EML1: variants seen among roughly 807,000 people sequenced by gnomAD.
EML1 encodes echinoderm microtubule-associated protein-like 1.
In EML1, 27 loss-of-function variants were observed where a neutral mutation model predicts 110.4. That is an observed-to-expected ratio of 0.24 (90% CI 0.18 to 0.34). The LOEUF (loss-of-function observed/expected upper bound fraction) is 0.34, where lower values mean the gene tolerates loss of function less well. Among genes scored for constraint, EML1 ranks in the 10% least tolerant of loss-of-function variants. The pLI is 1.00. For missense variants in EML1, 741 were observed against 1,030.9 expected (o/e 0.72, Z 3.85); for synonymous variants, 344 against 385.8 (o/e 0.89, Z 1.27).
At chr14:99,742,523 C>A (rs1030809808) in intron 1 of EML1, among the ~76,000 whole-genome samples, 1 of 151,996 alleles carries the variant, frequency 6.6e-6, no homozygotes, top group South Asian at 2.1e-4. Flanking sequence ...AGGAGGGACC[C>A]GGAGGAGGGC....
chr14:99,760,517 G>A (rs1349314906), intron 1 of EML1, among the ~76,000 whole-genome samples: 1 of 152,302 alleles, frequency 6.6e-6, no homozygotes, highest in South Asian at 2.1e-4. Context: ...AGAACGCACC[G>A]TTCAAAGGAA....
At chr14:99,860,940 A>G (rs947337003) in intron 2 of EML1, among the ~76,000 whole-genome samples, 13 of 152,282 alleles carry the variant, frequency 8.5e-5, no homozygotes, top group Middle Eastern at 3.4e-3. Flanking sequence ...CACTCTGGGA[A>G]TGCCTCCTGC....
At chr14:99,746,968 C>G (rs1027965588) in intron 1 of EML1, among the ~76,000 whole-genome samples, 5 of 152,066 alleles carry the variant, frequency 3.3e-5, no homozygotes, top group African/African-American at 1.2e-4. Context: ...CTGTGCTTGC[C>G]TCCGCTCTAT....
intron 1 of EML1, among the ~76,000 whole-genome samples, chr14:99,816,688 A>C (rs2058173594): frequency 6.6e-6 from 1 of 152,268 alleles, no homozygotes. Flanking sequence ...GGCCTAAGCC[A>C]GAATGGTACA....
At chr14:99,910,145 G>C (rs184458572) in intron 11 of EML1, 97 bp from the exon 12 acceptor site, 4 of 884,076 alleles carry the variant, frequency 4.5e-6, no homozygotes, top group Admixed American at 5.8e-5. Flanking sequence ...GGACCACTGC[G>C]AATCTAGATG....
intron 1 of EML1, among the ~76,000 whole-genome samples, chr14:99,764,238 C>T (rs2057344601): frequency 6.6e-6 from 1 of 152,236 alleles, no homozygotes; most frequent in African/African-American, 2.4e-5. Flanking sequence ...CCCCAGCTCA[C>T]AGAGGTCTCA....
In EML1 at chr14:99,757,292, T is replaced by TCG. The variant is rs1050936292; in HGVS notation, c.28+19436_28+19437dup. 4.0e-5 allele frequency among the ~76,000 whole-genome samples: 6 copies of TCG among 148,776 alleles called. 1 individual carries two copies. The Admixed American group carries it at 4.1e-4, about 10-fold the overall frequency. ...AGGTGGAGGTTGCAGTGAGCGAAGA[T>TCG]CGCGCCATTGCACTCCAGCCTGGGC... On this transcript the variant is annotated intron_variant, in intron 1 of 10. Coordinates refer to the EML1 transcript ENST00000554479.
intron 3 of EML1, among the ~76,000 whole-genome samples, chr14:99,872,019 T>A (rs1259852924): frequency 6.6e-6 from 1 of 152,174 alleles, no homozygotes; most frequent in Non-Finnish European, 1.5e-5. Flanking sequence ...AAACGCTTGA[T>A]ATAATGACTG....
chr14:99,762,467 G>T (rs2057324674), intron 1 of EML1, among the ~76,000 whole-genome samples: 2 of 152,122 alleles, frequency 1.3e-5, no homozygotes, highest in African/African-American at 4.8e-5. Flanking sequence ...TTGCTTGCTT[G>T]TTTTTAACCT....
At chr14:99,757,033 G>A (rs2057263777) in intron 1 of EML1, among the ~76,000 whole-genome samples, 1 of 152,198 alleles carries the variant, frequency 6.6e-6, no homozygotes, top group Non-Finnish European at 1.5e-5. Flanking sequence ...ACGAACATAT[G>A]GAGCTGCTGT....
At chr14:99,842,737 C>T (rs1292654848) in intron 1 of EML1, among the ~76,000 whole-genome samples, 1 of 152,118 alleles carries the variant, frequency 6.6e-6, no homozygotes, top group Non-Finnish European at 1.5e-5. Flanking sequence ...CACAGTGATG[C>T]TAAAGTTTTT....
intron 1 of EML1, among the ~76,000 whole-genome samples, chr14:99,785,305 T>G (rs942863190): frequency 1.3e-5 from 2 of 152,232 alleles, no homozygotes; most frequent in African/African-American, 4.8e-5. Context: ...TCCACCTGCC[T>G]TGGCCTCCCA....
intron 11 of EML1, 126 bp downstream of exon 11, chr14:99,909,605 T>C: frequency 8.1e-7 from 1 of 1,233,814 alleles, no homozygotes; most frequent in South Asian, 1.4e-5. Context: ...GGGAAGCGTG[T>C]CACACCTGGT....
intron 17 of EML1, among the ~76,000 whole-genome samples, chr14:99,922,272 C>T (rs752742148): frequency 9.2e-5 from 14 of 151,974 alleles, no homozygotes; most frequent in Non-Finnish European, 1.9e-4. Context: ...CATGCCACCA[C>T]ACCTGGCTAA....
chr14:99,808,659 A>G (rs1272933476), intron 1 of EML1, among the ~76,000 whole-genome samples: 1 of 152,212 alleles, frequency 6.6e-6, no homozygotes, highest in African/African-American at 2.4e-5. Context: ...ACAGGAATCT[A>G]TTCCAGTCTT....
intron 2 of EML1, among the ~76,000 whole-genome samples, chr14:99,852,667 A>G (rs183057596): frequency 6.6e-6 from 1 of 152,340 alleles, no homozygotes; most frequent in Admixed American, 6.5e-5. Context: ...ATTATTTCAC[A>G]GTTAATGTGT....
chr14:99,913,820 G>A (rs1286959308), intron 13 of EML1, among the ~76,000 whole-genome samples: 1 of 151,960 alleles, frequency 6.6e-6, no homozygotes, highest in Non-Finnish European at 1.5e-5. Flanking sequence ...CTCCCAAGTA[G>A]CTGGGATTAC....
chr14:99,841,688 G>T lies in EML1; in HGVS notation c.68-9165G>T, dbSNP rs73358413. ...CAGAGGCTGCAGAGTGGCTTTCAGA[G>T]TGGTTGGCCAGCTAAGACATCTGCA... On this transcript the variant is annotated intron_variant, in intron 1 of 21. Transcript: ENST00000262233. Among the ~76,000 whole-genome samples the T allele has an allele frequency of 5.1e-3, 777 of 152,310 alleles. 7 individuals carry two copies. The highest frequency in any genetic ancestry group is 0.018 in the African/African-American group (742 of 41,542).
At chr14:99,865,999 G>A (rs141792235) in intron 3 of EML1, among the ~76,000 whole-genome samples, 39 of 152,294 alleles carry the variant, frequency 2.6e-4, no homozygotes, top group African/African-American at 7.7e-4. Flanking sequence ...GATTGCCATA[G>A]CAACCTTAGA....
Sources: gnomAD v4.1 joint callset for allele counts (sites outside exome capture counted in the v4.1 genomes callset) on GRCh38, gnomAD v4.1.1 for gene constraint, MANE v1.5 for transcripts, NCBI Gene and HGNC (gene_info 2026-07-23, HGNC 2026-07-21) for gene names.